Variants in SGCZ observed in about 807,000 individuals in gnomAD.
SGCZ encodes the protein sarcoglycan zeta.
A neutral mutation model predicts 41.3 loss-of-function variants in SGCZ; 40 were observed. The ratio of observed to expected loss-of-function variants is 0.97; its 90% CI spans 0.75 to 1.26. The LOEUF (loss-of-function observed/expected upper bound fraction) is 1.26. Among genes scored for constraint, SGCZ ranks in the 50% most tolerant of loss-of-function variants. The pLI, the probability that SGCZ is intolerant of heterozygous loss-of-function variation, is 0.00. For missense variants in SGCZ, 552 were observed against 369.8 expected, an observed-to-expected ratio of 1.49 and a Z score of -4.04; for synonymous variants, 206 against 137.5, an observed-to-expected ratio of 1.50 and a Z score of -3.49.
chr8:14,637,954 T>C (rs1806888564), intron 1 of SGCZ, among the ~76,000 whole-genome samples: 1 of 151,886 alleles, frequency 6.6e-6, no homozygotes, highest in African/African-American at 2.4e-5. Flanking sequence ...TGTTCTGTTT[T>C]CTCCACAGCT....
At chr8:14,471,850 C>T (rs2116980080) in intron 2 of SGCZ, among the ~76,000 whole-genome samples, 1 of 152,126 alleles carries the variant, frequency 6.6e-6, no homozygotes, top group Admixed American at 6.5e-5. Flanking sequence ...ATTCACTTCT[C>T]AGGCATTTTA....
chr8:14,236,851 C>T (rs532777041), intron 4 of SGCZ, among the ~76,000 whole-genome samples: 21 of 151,748 alleles, frequency 1.4e-4, no homozygotes, highest in Admixed American at 3.9e-4. Context: ...AGGAATCAAT[C>T]TTGTATTTTG....
At chr8:14,837,997 T>A (rs1449370391) in intron 1 of SGCZ, among the ~76,000 whole-genome samples, 1 of 152,156 alleles carries the variant, frequency 6.6e-6, no homozygotes, top group African/African-American at 2.4e-5. Context: ...CAATGTAATA[T>A]TATTCAGCCA....
intron 3 of SGCZ, among the ~76,000 whole-genome samples, chr8:14,299,988 T>C (rs985132125): frequency 3.9e-5 from 6 of 151,972 alleles, no homozygotes; most frequent in African/African-American, 1.4e-4. Flanking sequence ...GAATATACAC[T>C]ATGACTGCAT....
chr8:14,443,784 T>C (rs1800346123), intron 2 of SGCZ, among the ~76,000 whole-genome samples: 1 of 151,996 alleles, frequency 6.6e-6, no homozygotes, highest in Admixed American at 6.6e-5. Flanking sequence ...CCAAAAGCCA[T>C]GGCAACAAAA....
At chr8:14,198,209 G>C (rs941059234) in intron 4 of SGCZ, among the ~76,000 whole-genome samples, 15 of 152,146 alleles carry the variant, frequency 9.9e-5, no homozygotes, top group African/African-American at 3.4e-4. Context: ...TCAGCCGTTT[G>C]TCTAGCATCT....
chr8:15,144,301 C>T (rs1045005187), intron 1 of SGCZ, among the ~76,000 whole-genome samples: 9 of 152,154 alleles, frequency 5.9e-5, no homozygotes, highest in Non-Finnish European at 1.3e-4. Flanking sequence ...TTATATGCTA[C>T]ACAATTTCAA....
At chr8:15,172,786 G>C (rs1343079549) in intron 1 of SGCZ, among the ~76,000 whole-genome samples, 1 of 152,064 alleles carries the variant, frequency 6.6e-6, no homozygotes, top group African/African-American at 2.4e-5. Context: ...TTTGGCAAAA[G>C]TAGATACTTT....
At chr8:14,672,493 T>C (rs1297344873) in intron 1 of SGCZ, among the ~76,000 whole-genome samples, 1 of 152,202 alleles carries the variant, frequency 6.6e-6, no homozygotes, top group East Asian at 1.9e-4. Flanking sequence ...ATTATTAGAA[T>C]ATATGTTTTA....
chr8:14,442,064 G>A (rs780320225), intron 2 of SGCZ, among the ~76,000 whole-genome samples: 2 of 152,130 alleles, frequency 1.3e-5, no homozygotes, highest in Non-Finnish European at 1.5e-5. Context: ...AGAGACATTC[G>A]AATTACAAAT....
intron 1 of SGCZ, among the ~76,000 whole-genome samples, chr8:15,134,855 G>A (rs887930412): frequency 3.3e-5 from 5 of 151,956 alleles, no homozygotes; most frequent in Admixed American, 1.3e-4. Context: ...TGATCATTAC[G>A]GAATCATTAT....
chr8:14,605,336 C>A (rs1326333749), intron 1 of SGCZ, among the ~76,000 whole-genome samples: 2 of 151,868 alleles, frequency 1.3e-5, no homozygotes, highest in East Asian at 1.9e-4. Flanking sequence ...TTCAGGCATA[C>A]AAAGTGTAGC....
At chr8:14,124,447 G>C (rs1194116041) in intron 5 of SGCZ, among the ~76,000 whole-genome samples, 1 of 152,124 alleles carries the variant, frequency 6.6e-6, no homozygotes, top group Admixed American at 6.5e-5. Context: ...ACTCCAGCAA[G>C]TTCCTTTTGA....
chr8:14,461,347 C>T (rs1036563747), intron 2 of SGCZ, among the ~76,000 whole-genome samples: 6 of 152,008 alleles, frequency 3.9e-5, no homozygotes, highest in African/African-American at 1.2e-4. Flanking sequence ...TAGCTTACCC[C>T]AGTTATCACT....
intron 1 of SGCZ, among the ~76,000 whole-genome samples, chr8:15,014,380 A>T (rs1262975383): frequency 6.6e-6 from 1 of 152,152 alleles, no homozygotes; most frequent in African/African-American, 2.4e-5. Flanking sequence ...CCCAAATAAT[A>T]TTATCCACTT....
chr8:15,211,708 C>G (rs1801242247), intron 1 of SGCZ, among the ~76,000 whole-genome samples: 1 of 152,120 alleles, frequency 6.6e-6, no homozygotes, highest in Admixed American at 6.6e-5. Context: ...GGGACTGGTT[C>G]TAGTAATTAT....
intron 3 of SGCZ, 35 bp from the exon 4 acceptor site, chr8:14,237,714 T>C (rs781089346): frequency 1.9e-6 from 3 of 1,567,662 alleles, no homozygotes; most frequent in Non-Finnish European, 2.6e-6. Flanking sequence ...AAATAGAAAA[T>C]AGAAATATCG....
At chr8:14,147,594 A>G (rs1393669257) in intron 5 of SGCZ, among the ~76,000 whole-genome samples, 1 of 152,166 alleles carries the variant, frequency 6.6e-6, no homozygotes, top group Non-Finnish European at 1.5e-5. Context: ...AAAAAGAGTA[A>G]TATGTCCAAA....
intron 2 of SGCZ, among the ~76,000 whole-genome samples, chr8:14,402,764 C>T (rs201388226): frequency 1.4e-4 from 20 of 146,506 alleles, no homozygotes; most frequent in East Asian, 9.8e-4. Flanking sequence ...ATTGACTTGG[C>T]CATGCGGGCT....
Sources: allele counts gnomAD v4.1 joint callset (sites outside exome capture counted in the v4.1 genomes callset), GRCh38; gene constraint gnomAD v4.1.1; transcripts MANE v1.5; gene names NCBI Gene and HGNC (gene_info 2026-07-23, HGNC 2026-07-21).